The following PBX1 variants were observed in gnomAD, a reference collection of about 807,000 sequenced individuals.
PBX1 encodes the protein PBX homeobox 1.
A neutral mutation model predicts 53.4 loss-of-function variants in PBX1; 6 were observed. That is an observed-to-expected ratio of 0.11 (90% CI 0.06 to 0.22). The LOEUF is 0.22. PBX1 is among the 10% of genes least tolerant of loss of function. PBX1 has a pLI of 1.00. For missense variants in PBX1, 251 were observed against 551.4 expected, an observed-to-expected ratio of 0.46 and a Z score of 5.46; for synonymous variants, 204 against 212.3, an observed-to-expected ratio of 0.96 and a Z score of 0.34.
At chr1:164,881,485 G>T (rs1309143350) in intron 2 of PBX1, among the ~76,000 whole-genome samples, 1 of 151,130 alleles carries the variant, frequency 6.6e-6, no homozygotes, top group African/African-American at 2.4e-5. Context: ...CCTTGCCCTT[G>T]TGTACTCTCC....
intron 2 of PBX1, among the ~76,000 whole-genome samples, chr1:164,693,770 G>A (rs1411419668): frequency 6.6e-6 from 1 of 152,178 alleles, no homozygotes; most frequent in African/African-American, 2.4e-5. Context: ...ATGAAGAACA[G>A]ATCTGTCCAT....
At chr1:164,669,317 G>A (rs1177237783) in intron 2 of PBX1, among the ~76,000 whole-genome samples, 1 of 152,144 alleles carries the variant, frequency 6.6e-6, no homozygotes, top group African/African-American at 2.4e-5. Context: ...AGCTCCAGTG[G>A]TGCTTTCTGC....
intron 2 of PBX1, among the ~76,000 whole-genome samples, chr1:164,583,493 C>A (rs1331019270): frequency 6.6e-6 from 1 of 152,064 alleles, no homozygotes; most frequent in Non-Finnish European, 1.5e-5. Context: ...GACCTGGCAG[C>A]CTTAGCTGGG....
At chr1:164,753,216 T>C (rs1666324454) in intron 2 of PBX1, among the ~76,000 whole-genome samples, 2 of 152,240 alleles carry the variant, frequency 1.3e-5, no homozygotes, top group Non-Finnish European at 2.9e-5. Flanking sequence ...TTTTTGTTTC[T>C]TTGAATTATT....
rs1160786231 is a variant in PBX1, at chr1:164,571,528, TC to T, written c.265+8218del. On this transcript the variant is annotated intron_variant, in intron 2 of 8. Coordinates refer to ENST00000420696, the MANE Select transcript of PBX1 (RefSeq NM_002585.4). ...GTAGCATCTATCAGTACTTCATTTT[TC>T]TTTATGGCCAAATACTATTCCGCTG... Among the ~76,000 whole-genome samples the T allele has an allele frequency of 3.3e-5, 5 of 150,480 alleles. No individual in the cohort carries two copies. The East Asian group carries it at 9.9e-4, about 30-fold the overall frequency.
rs569045034 is a variant in PBX1 at position 164,823,622 on chromosome 1, G to C, written c.1200+1996G>C. Among the ~76,000 whole-genome samples, 94 of 133,328 alleles carry C rather than the reference G, an allele frequency of 7.1e-4. 1 individual carries two copies. The highest frequency in any genetic ancestry group is 1.2e-3 in the Non-Finnish European group (75 of 62,182). 87.5% of individuals were successfully genotyped at this position (133,328 alleles called of 152,430 possible). A position where few individuals can be genotyped will look rare whatever the true frequency, so the allele number is the denominator to read the frequency against. ...AGCAGTCAGACTCTGGGGGGTGGGG[G>C]GGGGGGTCAACACTGACCCCTCTGA... On this transcript the variant is annotated intron_variant, in intron 8 of 8. Coordinates refer to ENST00000420696, the MANE Select transcript of PBX1 (RefSeq NM_002585.4).
intron 8 of PBX1, among the ~76,000 whole-genome samples, chr1:164,824,846 C>G (rs560121400): frequency 6.6e-6 from 1 of 152,332 alleles, no homozygotes; most frequent in South Asian, 2.1e-4. Context: ...TCTTTCCTAT[C>G]CATTCTCACT....
At position 164,615,436 on chromosome 1, in the gene PBX1, A is replaced by AT. The variant is rs935896350; in HGVS notation, c.265+52135dup. On this transcript the variant is annotated intron_variant, in intron 2 of 8. Transcript: ENST00000420696. ...TAATAACATTCTTTTTTTTAGAATA[A>AT]TTTTTTTTTTCTTTTCAGGCAAGTA... Among the ~76,000 whole-genome samples, 133 of 150,442 alleles carry AT rather than the reference A, an allele frequency of 8.8e-4. 2 individuals are homozygous for AT. The highest frequency in any genetic ancestry group is 5.2e-4 in the Non-Finnish European group (35 of 67,482).
rs2102424735 is a variant in PBX1 at position 164,848,765 on chromosome 1, T to A, written c.*2089T>A. ...GGGAGAAGTATGAGACCCTGAGGGG[T>A]GAGAATGGGCAGCTAGCAAGAACAT... On this transcript the variant is annotated 3_prime_UTR_variant, in exon 9 of 9. Coordinates refer to ENST00000420696, the MANE Select transcript of PBX1 (RefSeq NM_002585.4). The A allele has an allele frequency of 2.8e-6, 3 of 1,060,520 alleles. No homozygotes were observed. The highest frequency in any genetic ancestry group is 5.4e-5 in the Admixed American group (1 of 18,550). 65.7% of individuals were successfully genotyped at this position (1,060,520 alleles called of 1,614,324 possible).
At chr1:164,795,523 A>T (rs540463258) in intron 3 of PBX1, among the ~76,000 whole-genome samples, 2 of 152,354 alleles carry the variant, frequency 1.3e-5, no homozygotes, top group East Asian at 3.9e-4. Flanking sequence ...TAGAAGTTGT[A>T]CTACTCATCT....
Position 164,571,871 on chromosome 1 carries a change from T to TTG in PBX1, c.265+8562_265+8563dup, listed in dbSNP as rs1553209094. On this transcript the variant is annotated intron_variant, in intron 2 of 8. Coordinates refer to ENST00000420696, the MANE Select transcript of PBX1 (RefSeq NM_002585.4). ...TATTTGATATACAAAAATCTGTACA[T>TTG]TGTATATATATATATATATATATAT... 8.3e-3 allele frequency among the ~76,000 whole-genome samples: 496 copies of TTG among 59,946 alleles called. 4 individuals are homozygous for TTG. The highest frequency in any genetic ancestry group is 0.012 in the Non-Finnish European group (382 of 31,054). 39.3% of individuals were successfully genotyped at this position (59,946 alleles called of 152,430 possible). A position where few individuals can be genotyped will look rare whatever the true frequency, so the allele number is the denominator to read the frequency against.
intron 2 of PBX1, among the ~76,000 whole-genome samples, chr1:164,638,735 G>A (rs562013337): frequency 6.5e-4 from 99 of 152,338 alleles, no homozygotes; most frequent in African/African-American, 2.1e-3. Context: ...GACCGTCACC[G>A]TCACACATGA....
chr1:164,867,293 G>A (rs759926417), intron 2 of PBX1, among the ~76,000 whole-genome samples: 79 of 152,152 alleles, frequency 5.2e-4, no homozygotes, highest in Non-Finnish European at 9.6e-4. Context: ...CCGACACACG[G>A]CAGTTGTTCC....
chr1:164,626,660 G>A (rs187818364), intron 2 of PBX1, among the ~76,000 whole-genome samples: 70 of 152,194 alleles, frequency 4.6e-4, no homozygotes, highest in African/African-American at 1.3e-3. Context: ...CTGTTTTCCC[G>A]TCTTAAAACT....
chr1:164,694,129 C>A, intron 2 of PBX1, among the ~76,000 whole-genome samples: 1 of 152,098 alleles, frequency 6.6e-6, no homozygotes, highest in South Asian at 2.1e-4. Flanking sequence ...TCTGCCCCTG[C>A]AGATTATGAA....
chr1:164,848,261 A>G lies in PBX1; in HGVS notation c.*1585A>G. ...TTCTCAAAAGTCACCTGAGCTCACC[A>G]TCTTCATAGCCAACCCTACCAGTTA... On this transcript the variant is annotated 3_prime_UTR_variant, in exon 9 of 9. Transcript: ENST00000420696. The G allele has an allele frequency of 1.9e-6, 2 of 1,055,760 alleles. No individual in the cohort carries two copies. The highest frequency in any genetic ancestry group is 2.3e-6 in the Non-Finnish European group (2 of 873,388). The allele number at this position is 1,055,760 out of a possible 1,614,324, so 65.4% of individuals were successfully genotyped here.
intron 2 of PBX1, among the ~76,000 whole-genome samples, chr1:164,623,301 C>T (rs988399296): frequency 2.6e-5 from 4 of 152,186 alleles, no homozygotes; most frequent in African/African-American, 9.7e-5. Flanking sequence ...AGAACGTCAC[C>T]CCCAGGTAAT....
chr1:164,737,398 A>C (rs1000222213), intron 2 of PBX1, among the ~76,000 whole-genome samples: 1 of 152,200 alleles, frequency 6.6e-6, no homozygotes, highest in Non-Finnish European at 1.5e-5. Flanking sequence ...TATAATTCAC[A>C]TAAATAATTC....
At chr1:164,773,236 A>AAC (rs1193168258) in intron 2 of PBX1, among the ~76,000 whole-genome samples, 9 of 48,010 alleles carry the variant, frequency 1.9e-4, no homozygotes, top group African/African-American at 9.2e-4. Flanking sequence ...GCATATAGGT[A>AAC]ACACGCGCAC....
Sources: gnomAD v4.1 joint callset for allele counts (sites outside exome capture counted in the v4.1 genomes callset) on GRCh38, gnomAD v4.1.1 for gene constraint, MANE v1.5 for transcripts, NCBI Gene and HGNC (gene_info 2026-07-23, HGNC 2026-07-21) for gene names.